CRISPLD2: variants seen among roughly 807,000 people sequenced by gnomAD.
CRISPLD2 encodes the protein cysteine-rich secretory protein LCCL domain-containing 2.
In CRISPLD2, 47 loss-of-function variants were observed where a neutral mutation model predicts 71.1. The observed-to-expected ratio is 0.66, with a 90% confidence interval of 0.52 to 0.84. The LOEUF (loss-of-function observed/expected upper bound fraction) is 0.84, where lower values mean the gene tolerates loss of function less well. Ranked by LOEUF, CRISPLD2 falls within the 40% of genes least tolerant of loss-of-function variation. The probability of loss-of-function intolerance (pLI) is 0.00; values close to 1 mark genes in which losing one functional copy is unlikely to be tolerated. For missense variants in CRISPLD2, 830 were observed against 651.1 expected (o/e 1.27, Z -2.99); for synonymous variants, 317 against 250.1 (o/e 1.27, Z -2.52).
At chr16:84,904,877 C>G (rs929992523) in intron 14 of CRISPLD2, among the ~76,000 whole-genome samples, 1 of 152,180 alleles carries the variant, frequency 6.6e-6, no homozygotes, top group Non-Finnish European at 1.5e-5. Flanking sequence ...AAGTATAAAT[C>G]CTTCATGACC....
chr16:84,836,539 G>A (rs190965815), intron 1 of CRISPLD2: 28 of 152,334 alleles, frequency 1.8e-4, no homozygotes, highest in African/African-American at 6.7e-4. Context: ...CTCTCCGCAT[G>A]GGGTTATTTT....
At chr16:84,885,245 C>G (rs915585249) in intron 13 of CRISPLD2, among the ~76,000 whole-genome samples, 2 of 148,558 alleles carry the variant, frequency 1.3e-5, no homozygotes, top group African/African-American at 4.9e-5. Context: ...TAATTGTGTT[C>G]GCTTACCAAA....
Position 84,889,174 on chromosome 16 carries a change from C to T in CRISPLD2, c.1306-56C>T, listed in dbSNP as rs557300572. On this transcript the variant is annotated intron_variant, in intron 13 of 14. Transcript: ENST00000262424. The stretch of plus-strand genomic sequence containing the variant: ...CAGTGAATGATGGAGCCCCAGCTGG[C>T]TTGACCCATGAGCTGGAATCCGCAT... 2.6e-5 allele frequency: 42 copies of T among 1,612,034 alleles called. No homozygotes were observed. In the South Asian group the frequency reaches 4.0e-4, roughly 15 times the overall value.
intron 13 of CRISPLD2, among the ~76,000 whole-genome samples, chr16:84,885,952 G>A (rs1002609306): frequency 1.3e-5 from 2 of 151,652 alleles, no homozygotes; most frequent in Non-Finnish European, 2.9e-5. Flanking sequence ...CCGTGTAGCT[G>A]GAACTACAGG....
chr16:84,853,628 T>C (rs1334482501), intron 5 of CRISPLD2, among the ~76,000 whole-genome samples: 7 of 152,170 alleles, frequency 4.6e-5, no homozygotes, highest in Non-Finnish European at 8.8e-5. Flanking sequence ...ACCCAGAGCG[T>C]GTTTCCTGCC....
At chr16:84,872,764 G>A (rs1474565015) in intron 9 of CRISPLD2, among the ~76,000 whole-genome samples, 2 of 152,194 alleles carry the variant, frequency 1.3e-5, no homozygotes, top group Non-Finnish European at 2.9e-5. Flanking sequence ...AGAAAGGGAT[G>A]TTTGTCACTC....
At chr16:84,858,173 C>A (rs1917291623) in intron 6 of CRISPLD2, among the ~76,000 whole-genome samples, 1 of 152,218 alleles carries the variant, frequency 6.6e-6, no homozygotes, top group African/African-American at 2.4e-5. Context: ...CTATCTGCCA[C>A]TGACACCTCA....
chr16:84,840,617 C>G (rs1267004625), intron 2 of CRISPLD2, among the ~76,000 whole-genome samples: 1 of 152,180 alleles, frequency 6.6e-6, no homozygotes, highest in Non-Finnish European at 1.5e-5. Context: ...AGCAATTCTC[C>G]TGACTCTGCC....
chr16:84,864,290 T>G (rs1454366277), intron 6 of CRISPLD2, among the ~76,000 whole-genome samples: 1 of 152,192 alleles, frequency 6.6e-6, no homozygotes, highest in Non-Finnish European at 1.5e-5. Flanking sequence ...CTTCTACTTT[T>G]CATTTGTGGG....
chr16:84,836,876 G>T (rs575157119), intron 1 of CRISPLD2, among the ~76,000 whole-genome samples: 2 of 152,284 alleles, frequency 1.3e-5, no homozygotes, highest in East Asian at 3.9e-4. Flanking sequence ...TCAGCCTGAG[G>T]CACGGCCACC....
At chr16:84,839,167 A>G (rs1035471582) in intron 2 of CRISPLD2, 3 of 353,166 alleles carry the variant, frequency 8.5e-6, no homozygotes, top group African/African-American at 2.1e-5. Flanking sequence ...GATTATAGGC[A>G]TGAGTCACCC....
chr16:84,860,692 C>G (rs571890586), intron 6 of CRISPLD2, among the ~76,000 whole-genome samples: 34 of 152,310 alleles, frequency 2.2e-4, no homozygotes, highest in Admixed American at 8.5e-4. Flanking sequence ...GTGTCCCTAG[C>G]TTCAGCAGGG....
chr16:84,852,532 T>A (rs1034067649), intron 5 of CRISPLD2, among the ~76,000 whole-genome samples: 2 of 152,192 alleles, frequency 1.3e-5, no homozygotes, highest in Non-Finnish European at 2.9e-5. Context: ...GTTCTTTCCT[T>A]TTGTCTGCTG....
At chr16:84,831,831 TTC>T (rs932581714) in intron 1 of CRISPLD2, among the ~76,000 whole-genome samples, 25 of 152,212 alleles carry the variant, frequency 1.6e-4, no homozygotes. Flanking sequence ...ACCTCCCAGA[TTC>T]AAGTGATTTT....
chr16:84,842,344 TTTCC>T (rs1174069904), intron 2 of CRISPLD2: 1 of 127,556 alleles, frequency 7.8e-6, no homozygotes, highest in African/African-American at 2.9e-5. Flanking sequence ...TCCCTCCTTC[TTTCC>T]TTCCTTCTTT....
At position 84,874,043 on chromosome 16, in the gene CRISPLD2, C is replaced by T. The variant is rs1031401392; in HGVS notation, c.1156+80C>T. 5 of 1,268,716 alleles carry T rather than the reference C, an allele frequency of 3.9e-6. No individual in the cohort carries two copies. The African/African-American group carries it at 4.5e-5, about 12-fold the overall frequency. 78.6% of individuals were successfully genotyped at this position (1,268,716 alleles called of 1,614,324 possible). On this transcript the variant is annotated intron_variant, in intron 11 of 14. Coordinates refer to ENST00000262424, the MANE Select transcript of CRISPLD2 (RefSeq NM_031476.4). ...CTGGAAATTTCACTTCCTTTAGTCG[C>T]TGATTTAATGTTTATCATGCGTGTG...
intron 1 of CRISPLD2, chr16:84,828,977 A>C (rs1207742009): frequency 6.6e-6 from 1 of 152,178 alleles, no homozygotes; most frequent in South Asian, 2.1e-4. Flanking sequence ...CGGGAGGCTA[A>C]GGCAGAAGAA....
chr16:84,827,136 C>T (rs1916371893), intron 1 of CRISPLD2, among the ~76,000 whole-genome samples: 3 of 151,516 alleles, frequency 2.0e-5, no homozygotes, highest in South Asian at 4.2e-4. Flanking sequence ...TCACTGCCCC[C>T]GCACCCCCCA....
chr16:84,823,664 A>G (rs1281956751), intron 1 of CRISPLD2, among the ~76,000 whole-genome samples: 1 of 151,872 alleles, frequency 6.6e-6, no homozygotes, highest in East Asian at 1.9e-4. Flanking sequence ...TTGGACAAAG[A>G]CCCCTCTTGC....
Sources: gnomAD v4.1 joint callset for allele counts (sites outside exome capture counted in the v4.1 genomes callset) on GRCh38, gnomAD v4.1.1 for gene constraint, MANE v1.5 for transcripts, NCBI Gene and HGNC (gene_info 2026-07-23, HGNC 2026-07-21) for gene names.